CPED1: variants seen among roughly 807,000 people sequenced by gnomAD.
CPED1 encodes cadherin-like and PC-esterase domain-containing protein 1.
Under a neutral mutation model 128.2 loss-of-function variants are expected in CPED1, and 114 were observed. The ratio of observed to expected loss-of-function variants is 0.89; its 90% CI spans 0.76 to 1.04. The LOEUF is 1.04. Ranked by LOEUF, CPED1 falls within the 50% of genes least tolerant of loss-of-function variation. The pLI, the probability that CPED1 is intolerant of heterozygous loss-of-function variation, is 0.00. For missense variants in CPED1, 1,211 were observed against 1,207.1 expected (o/e 1.00, Z -0.05); for synonymous variants, 462 against 426.7 (o/e 1.08, Z -1.02).
chr7:121,195,592 A>G (rs1797253979), intron 16 of CPED1, among the ~76,000 whole-genome samples: 1 of 152,168 alleles, frequency 6.6e-6, no homozygotes, highest in African/African-American at 2.4e-5. Context: ...TCATGGACCA[A>G]TCATTACTAA....
At chr7:121,218,366 T>C (rs1797805953) in intron 16 of CPED1, among the ~76,000 whole-genome samples, 1 of 151,978 alleles carries the variant, frequency 6.6e-6, no homozygotes, top group Non-Finnish European at 1.5e-5. Context: ...CATCTTTTAT[T>C]AAATATTCAA....
intron 4 of CPED1, among the ~76,000 whole-genome samples, chr7:121,060,244 C>T (rs1052088217): frequency 1.4e-4 from 21 of 152,364 alleles, no homozygotes; most frequent in African/African-American, 4.8e-4. Flanking sequence ...CCTGTGCGGC[C>T]GGAGCCTCCC....
chr7:121,064,885 C>T (rs1482064941), intron 5 of CPED1, among the ~76,000 whole-genome samples: 2 of 151,994 alleles, frequency 1.3e-5, no homozygotes, highest in African/African-American at 2.4e-5. Context: ...ATGAAATAAG[C>T]CCTCATAGAA....
At chr7:121,163,770 C>G (rs1483830425) in intron 16 of CPED1, among the ~76,000 whole-genome samples, 2 of 152,104 alleles carry the variant, frequency 1.3e-5, no homozygotes, top group Non-Finnish European at 2.9e-5. Flanking sequence ...TTTTATGGAG[C>G]CTCACAACAA....
intron 16 of CPED1, among the ~76,000 whole-genome samples, chr7:121,229,924 C>G (rs747841733): frequency 1.3e-5 from 2 of 151,928 alleles, no homozygotes; most frequent in Admixed American, 6.6e-5. Flanking sequence ...AGAAGTTATT[C>G]AAGTCAAGCA....
At chr7:121,099,796 G>T in intron 6 of CPED1, 130 bp from the exon 7 acceptor site, 1 of 894,528 alleles carries the variant, frequency 1.1e-6, no homozygotes. Context: ...AATTGTTCAA[G>T]GAAACCCACA....
intron 5 of CPED1, among the ~76,000 whole-genome samples, chr7:121,086,986 G>T (rs1794440291): frequency 6.6e-6 from 1 of 152,234 alleles, no homozygotes; most frequent in South Asian, 2.1e-4. Flanking sequence ...AGCCATGAGG[G>T]CTTGAGCCAG....
At chr7:121,057,126 C>T (rs1041630983) in intron 4 of CPED1, among the ~76,000 whole-genome samples, 7 of 151,880 alleles carry the variant, frequency 4.6e-5, no homozygotes, top group African/African-American at 1.2e-4. Flanking sequence ...TACAGGTGCA[C>T]GCCACCAGAC....
At chr7:121,285,137 G>A (rs142408903) in intron 22 of CPED1, among the ~76,000 whole-genome samples, 40 of 152,308 alleles carry the variant, frequency 2.6e-4, no homozygotes, top group African/African-American at 9.1e-4. Context: ...AAGCTGCCAA[G>A]GCTTGGGGCT....
At chr7:121,272,367 A>T (rs1297445226) in intron 22 of CPED1, among the ~76,000 whole-genome samples, 3 of 151,596 alleles carry the variant, frequency 2.0e-5, no homozygotes, top group African/African-American at 7.3e-5. Context: ...GTGCTCTCTG[A>T]GTCTAGCATG....
chr7:121,157,319 T>C (rs1796310083), intron 16 of CPED1, among the ~76,000 whole-genome samples: 1 of 152,142 alleles, frequency 6.6e-6, no homozygotes, highest in Admixed American at 6.5e-5. Flanking sequence ...ATATACGATA[T>C]CATTAATATA....
At chr7:121,152,960 G>A (rs1796192718) in intron 16 of CPED1, among the ~76,000 whole-genome samples, 1 of 152,076 alleles carries the variant, frequency 6.6e-6, no homozygotes, top group South Asian at 2.1e-4. Context: ...ATGATTAATG[G>A]TGGATTTCAT....
intron 3 of CPED1, among the ~76,000 whole-genome samples, chr7:121,026,824 GTTCTTT>G (rs1216741076): frequency 1.9e-5 from 2 of 102,866 alleles, no homozygotes; most frequent in East Asian, 7.2e-4. Flanking sequence ...CCTCCTGTCA[GTTCTTT>G]TTTTTTTTTT....
At chr7:121,036,286 T>C (rs1792885683) in intron 3 of CPED1, among the ~76,000 whole-genome samples, 1 of 152,016 alleles carries the variant, frequency 6.6e-6, no homozygotes, top group African/African-American at 2.4e-5. Flanking sequence ...CCCAGCCTTT[T>C]CCCCAAATCC....
intron 16 of CPED1, among the ~76,000 whole-genome samples, chr7:121,176,069 T>G (rs1796769901): frequency 6.6e-6 from 1 of 151,660 alleles, no homozygotes; most frequent in African/African-American, 2.4e-5. Context: ...TAGGTGTAAA[T>G]TACTTGAGGA....
Position 121,100,012 on chromosome 7 carries a change from C to A in CPED1, c.836C>A (p.Thr279Lys). The change falls in exon 7 of 23, where the codon ACG (threonine) becomes AAG (lysine). Residue 279 changes from threonine to lysine, a missense_variant. Physicochemically the swap from Thr to Lys is moderately conservative, Grantham distance 78. Coordinates refer to ENST00000310396, the MANE Select transcript of CPED1 (RefSeq NM_024913.5). The stretch of plus-strand genomic sequence containing the variant: ...ATTCTTAAAGCGTATGTGTTGGTGA[C>A]GTCCTTAACCCCTTTGCGTGCATTC... ...SVILKAYVLVTSLTPLRAFIH... is the reference protein window; with the variant it reads ...SVILKAYVLVKSLTPLRAFIH... 1 of 1,613,450 alleles carries A rather than the reference C, an allele frequency of 6.2e-7. No individual in the cohort carries two copies. The highest frequency in any genetic ancestry group is 8.5e-7 in the Non-Finnish European group (1 of 1,179,776).
At chr7:121,256,126 AAAC>A (rs1458540304) in intron 18 of CPED1, among the ~76,000 whole-genome samples, 10,499 of 71,784 alleles carry the variant, frequency 0.15, 761 homozygotes, top group Non-Finnish European at 0.24. Context: ...AAAAAAAACA[AAAC>A]AAAAAAAAAA....
chr7:121,263,216 G>C (rs1792055271), intron 18 of CPED1, among the ~76,000 whole-genome samples: 1 of 152,036 alleles, frequency 6.6e-6, no homozygotes, highest in Non-Finnish European at 1.5e-5. Flanking sequence ...TGCTCAGGAT[G>C]GTGATCTCTC....
At chr7:121,030,166 C>T (rs553284356) in intron 3 of CPED1, among the ~76,000 whole-genome samples, 13 of 152,202 alleles carry the variant, frequency 8.5e-5, no homozygotes, top group South Asian at 2.1e-4. Flanking sequence ...CACACACACA[C>T]GATAGACACA....
Sources: gnomAD v4.1 joint callset for allele counts (sites outside exome capture counted in the v4.1 genomes callset) on GRCh38, gnomAD v4.1.1 for gene constraint, MANE v1.5 for transcripts, NCBI Gene and HGNC (gene_info 2026-07-23, HGNC 2026-07-21) for gene names.